ANKRD34C: variants seen among roughly 807,000 people sequenced by gnomAD.
The protein encoded by ANKRD34C is ankyrin repeat domain-containing protein 34C.
For synonymous variants in ANKRD34C, 260 were observed against 253.6 expected (o/e 1.03, Z -0.24); for missense variants, 563 against 653.0 (o/e 0.86, Z 1.50).
intron 1 of ANKRD34C, among the ~76,000 whole-genome samples, chr15:79,290,005 T>G (rs1037123874): frequency 6.6e-6 from 1 of 152,064 alleles, no homozygotes; most frequent in African/African-American, 2.4e-5. Context: ...TGCATTTTCT[T>G]TATCTATTTC....
rs1393576852 is a variant in ANKRD34C at position 79,295,750 on chromosome 15, A to AGATCG, written c.*862_*863insGGATC. ...TCCAGATTATTCTTAAAAGTTGATG[A>AGATCG]GATCTTCCCAAACCAGAATGACAAC... On this transcript the variant is annotated 3_prime_UTR_variant, in exon 2 of 2. Transcript: ENST00000421388. 1 of 166,738 alleles carries AGATCG rather than the reference A, an allele frequency of 6.0e-6. No individual in the cohort carries two copies. The highest frequency in any genetic ancestry group is 1.5e-5 in the Non-Finnish European group (1 of 68,120). 10.3% of individuals were successfully genotyped at this position (166,738 alleles called of 1,614,324 possible). A position where few individuals can be genotyped will look rare whatever the true frequency, so the allele number is the denominator to read the frequency against.
In ANKRD34C at chr15:79,295,057, C is replaced by A; in HGVS notation, c.*165C>A. The A allele has an allele frequency of 1.3e-6, 1 of 760,780 alleles. No individual in the cohort carries two copies. Among genetic ancestry groups the A allele is most frequent in the Non-Finnish European group, 2.0e-6 (1 of 492,382 alleles). The allele number at this position is 760,780 out of a possible 1,614,324, so 47.1% of individuals were successfully genotyped here. A position where few individuals can be genotyped will look rare whatever the true frequency, so the allele number is the denominator to read the frequency against. On this transcript the variant is annotated 3_prime_UTR_variant, in exon 2 of 2. Transcript: ENST00000421388. ...TAATCCCTGGGTTTTTATAGGCCTA[C>A]TTGAAAAGAGCTCAGGATAATTGGG... is the stretch of plus-strand genomic sequence containing the variant.
At position 79,296,508 on chromosome 15, in the gene ANKRD34C, G is replaced by T. The variant is rs1275694644; in HGVS notation, c.*1616G>T. 6.0e-6 allele frequency: 1 copy of T among 167,052 alleles called. No individual in the cohort carries two copies. Among genetic ancestry groups the T allele is most frequent in the Non-Finnish European group, 1.5e-5 (1 of 68,116 alleles). 10.3% of individuals were successfully genotyped at this position (167,052 alleles called of 1,614,324 possible). ...TCTGGAAAAGTTCAAGTATCTCTAT[G>T]AGATCCCCAGTTATTTTTATAAGTA... On this transcript the variant is annotated 3_prime_UTR_variant, in exon 2 of 2. Transcript: ENST00000421388.
Position 79,294,031 on chromosome 15 carries a change from G to T in ANKRD34C, c.747G>T (p.Arg249Ser). 1 of 1,551,576 alleles carries T rather than the reference G, an allele frequency of 6.4e-7. No homozygotes were observed. The highest frequency in any genetic ancestry group is 8.7e-7 in the Non-Finnish European group (1 of 1,146,956). ...GGGCCCGTTTGCCTCAACTGAAGAGGCTCCAGTCTGAACCTTGGGGCCTGA... is the reference window on the plus strand; with the variant it reads ...GGGCCCGTTTGCCTCAACTGAAGAGTCTCCAGTCTGAACCTTGGGGCCTGA... ...LKRARLPQLKRLQSEPWGLIA... is the reference protein window; with the variant it reads ...LKRARLPQLKSLQSEPWGLIA... The change falls in exon 2 of 2, where the codon AGG (arginine) becomes AGT (serine). Residue 249 changes from arginine (R) to serine (S), a missense_variant. Coordinates refer to ENST00000421388, the MANE Select transcript of ANKRD34C (RefSeq NM_001146341.2).
chr15:79,292,799 C>G (rs377510888), intron 1 of ANKRD34C, among the ~76,000 whole-genome samples: 2 of 152,198 alleles, frequency 1.3e-5, no homozygotes, highest in Non-Finnish European at 2.9e-5. Context: ...TATGAGGCCA[C>G]CTATTCACTA....
intron 1 of ANKRD34C, among the ~76,000 whole-genome samples, chr15:79,291,558 T>TCACACACACACACACACA (rs138141895): frequency 6.3e-4 from 32 of 51,024 alleles, no homozygotes; most frequent in Non-Finnish European, 9.9e-4. Flanking sequence ...GAAAGACCAT[T>TCACACACACACACACACA]CACACACACA....
rs569225492 is a variant in ANKRD34C at position 79,294,316 on chromosome 15, C to T, written c.1032C>T (p.Ala344=). The change falls in exon 2 of 2, where the codon GCC becomes GCT. Residue 344 remains alanine (A), a synonymous_variant. Coordinates refer to ENST00000421388, the MANE Select transcript of ANKRD34C (RefSeq NM_001146341.2). ...GTCAGGCTCCCCACCCACGTCTGGC[C>T]AGGAGAGGAACTCTCCCTGTTGACC... ...EKGQAPHPRL[A]RRGTLPVDQE... 9.7e-6 allele frequency: 15 copies of T among 1,551,674 alleles called. No homozygotes were observed. The East Asian group carries it at 9.8e-5, about 10-fold the overall frequency.
At chr15:79,291,807 A>G (rs2058660556) in intron 1 of ANKRD34C, among the ~76,000 whole-genome samples, 1 of 152,192 alleles carries the variant, frequency 6.6e-6, no homozygotes, top group Non-Finnish European at 1.5e-5. Context: ...AGAACAATGC[A>G]TTTGAGGAAG....
rs410400 is a variant in ANKRD34C at position 79,294,390 on chromosome 15, C to A, written c.1106C>A (p.Pro369His). The change falls in exon 2 of 2, where the codon CCT (proline) becomes CAT (histidine). Residue 369 changes from proline to histidine, a missense_variant. Physicochemically the swap from Pro to His is moderately conservative, Grantham distance 77. Coordinates refer to ENST00000421388, the MANE Select transcript of ANKRD34C (RefSeq NM_001146341.2). ...TCAGGACCCTCTGCTCTCAAAGAGC[C>A]TGCATCCCTCAAATGGCTGGAAAAT... Reference protein sequence around the residue: ...GPSGPSALKEPASLKWLENDL... With the variant: ...GPSGPSALKEHASLKWLENDL... 2.8e-5 allele frequency: 44 copies of A among 1,551,528 alleles called. No individual in the cohort carries two copies. Among genetic ancestry groups the A allele is most frequent in the Non-Finnish European group, 3.7e-5 (43 of 1,146,944 alleles).
Position 79,295,890 on chromosome 15 carries a change from C to T in ANKRD34C, c.*998C>T, listed in dbSNP as rs1027139635. 1 of 166,982 alleles carries T rather than the reference C, an allele frequency of 6.0e-6. No homozygotes were observed. The highest frequency in any genetic ancestry group is 1.5e-5 in the Non-Finnish European group (1 of 68,112). The allele number at this position is 166,982 out of a possible 1,614,324, so 10.3% of individuals were successfully genotyped here. A position where few individuals can be genotyped will look rare whatever the true frequency, so the allele number is the denominator to read the frequency against. On this transcript the variant is annotated 3_prime_UTR_variant, in exon 2 of 2. Coordinates refer to ENST00000421388, the MANE Select transcript of ANKRD34C (RefSeq NM_001146341.2). ...TTTAGGGGATGCAAACTGTCATTTC[C>T]CCTTCAGTTATGTAAATAATTGAAG...
At chr15:79,290,285 A>G (rs1460846428) in intron 1 of ANKRD34C, among the ~76,000 whole-genome samples, 3 of 147,332 alleles carry the variant, frequency 2.0e-5, no homozygotes, top group Non-Finnish European at 4.4e-5. Context: ...TTGGCTTCCC[A>G]AATTGCTGGG....
chr15:79,288,869 G>A (rs893890638), intron 1 of ANKRD34C, among the ~76,000 whole-genome samples: 4 of 138,774 alleles, frequency 2.9e-5, no homozygotes, highest in African/African-American at 8.5e-5. Flanking sequence ...TGCCCAGGCT[G>A]GAGTACAATG....
At position 79,293,347 on chromosome 15, in the gene ANKRD34C, G is replaced by T. The variant is rs1187194021; in HGVS notation, c.63G>T (p.Leu21=). 1.9e-6 allele frequency: 3 copies of T among 1,550,620 alleles called. No homozygotes were observed. In the African/African-American group the frequency reaches 4.1e-5, roughly 21 times the overall value. ...ACTCTTTGTTAAAGGCTGTGTGGCT[G>T]GGGAGGCTCAGGTTGACCAGGCTGC... ...DGNSLLKAVW[L]GRLRLTRLLL... The change falls in exon 2 of 2, where the codon CTG becomes CTT. Residue 21 remains leucine, a synonymous_variant. Coordinates refer to ENST00000421388, the MANE Select transcript of ANKRD34C (RefSeq NM_001146341.2).
chr15:79,290,183 C>T (rs1288414055), intron 1 of ANKRD34C, among the ~76,000 whole-genome samples: 2 of 139,196 alleles, frequency 1.4e-5, no homozygotes, highest in African/African-American at 5.2e-5. Context: ...AGCCATGACA[C>T]CCAGCTTTTT....
chr15:79,292,618 C>G (rs1409212682), intron 1 of ANKRD34C, among the ~76,000 whole-genome samples: 1 of 152,146 alleles, frequency 6.6e-6, no homozygotes, highest in Non-Finnish European at 1.5e-5. Flanking sequence ...CACTGTCCCT[C>G]CCTCATCAAC....
Position 79,296,423 on chromosome 15 carries a change from G to T in ANKRD34C, c.*1531G>T, listed in dbSNP as rs2058672533. On this transcript the variant is annotated 3_prime_UTR_variant, in exon 2 of 2. Transcript: ENST00000421388. ...AGTAGCTAATTTTAATGTATTTCTTGAGACTGCTGAAGCAATATCTCAAAT... is the reference window on the plus strand; with the variant it reads ...AGTAGCTAATTTTAATGTATTTCTTTAGACTGCTGAAGCAATATCTCAAAT... The T allele has an allele frequency of 6.0e-6, 1 of 167,066 alleles. No homozygotes were observed. The highest frequency in any genetic ancestry group is 2.4e-5 in the African/African-American group (1 of 41,456). 10.3% of individuals were successfully genotyped at this position (167,066 alleles called of 1,614,324 possible). A position where few individuals can be genotyped will look rare whatever the true frequency, so the allele number is the denominator to read the frequency against.
rs12437550 is a variant in ANKRD34C, at chr15:79,282,800, G to C, written c.-473G>C. Reference sequence around the variant, plus strand: ...CAGCGCGTCGTCAGCCAGCACAGCCGGCCGAAGACCAAGCCGGAGGTCTGG... The same window carrying C: ...CAGCGCGTCGTCAGCCAGCACAGCCCGCCGAAGACCAAGCCGGAGGTCTGG... On this transcript the variant is annotated 5_prime_UTR_variant, in exon 1 of 2. Coordinates refer to ENST00000421388, the MANE Select transcript of ANKRD34C (RefSeq NM_001146341.2). Among the ~76,000 whole-genome samples the C allele has an allele frequency of 0.34, 51,555 of 152,212 alleles. 8,955 individuals carry two copies. Among genetic ancestry groups the C allele is most frequent in the East Asian group, 0.5 (2,589 of 5,154 alleles).
chr15:79,290,517 G>T (rs2058656495), intron 1 of ANKRD34C, among the ~76,000 whole-genome samples: 1 of 152,082 alleles, frequency 6.6e-6, no homozygotes, highest in South Asian at 2.1e-4. Context: ...GGGCTGGCTG[G>T]GGCTGGCTGG....
intron 1 of ANKRD34C, among the ~76,000 whole-genome samples, chr15:79,291,044 G>A (rs1215854263): frequency 6.6e-6 from 1 of 152,208 alleles, no homozygotes; most frequent in Non-Finnish European, 1.5e-5. Context: ...TTTGGAGGAA[G>A]TGATTTGTAG....
Sources: gnomAD v4.1 joint callset for allele counts (sites outside exome capture counted in the v4.1 genomes callset) on GRCh38, gnomAD v4.1.1 for gene constraint, MANE v1.5 for transcripts, NCBI Gene and HGNC (gene_info 2026-07-23, HGNC 2026-07-21) for gene names.